NSMF: variants seen among roughly 807,000 people sequenced by gnomAD.
NSMF encodes nasal embryonic LHRH factor.
NSMF carries 31 observed loss-of-function variants against 71.0 expected under a neutral mutation model. The observed-to-expected ratio is 0.44, with a 90% CI of 0.33 to 0.59. NSMF has a LOEUF of 0.59. NSMF is among the 20% of genes least tolerant of loss of function. NSMF has a pLI of 0.04. For missense variants in NSMF, 673 were observed against 740.5 expected, an observed-to-expected ratio of 0.91 and a Z score of 1.06; for synonymous variants, 345 against 287.1, an observed-to-expected ratio of 1.20 and a Z score of -2.04.
intron 7 of NSMF, 77 bp downstream of exon 7, chr9:137,454,313 AT>A (rs1484306003): frequency 2.1e-6 from 3 of 1,395,818 alleles, no homozygotes; most frequent in Non-Finnish European, 3.0e-6. Context: ...GGTCGTTCTT[AT>A]CGCAGCTAGC....
rs1830679962 is a variant in NSMF at position 137,453,854 on chromosome 9, T to A, written c.833-34A>T. ...AGCAAAACCCGCATTAGCGAGCGGG[T>A]GGGGCGGGGCCTCGGGAGTCTCAGA... On this transcript the variant is annotated intron_variant, in intron 7 of 15. Coordinates refer to ENST00000371475, the MANE Select transcript of NSMF (RefSeq NM_001130969.3). This position sits in a 1 kb window ranked among gnomAD's most constrained non-coding sequence, Gnocchi z 4.5. 6.5e-7 allele frequency: 1 copy of A among 1,542,084 alleles called. No individual in the cohort carries two copies. The highest frequency in any genetic ancestry group is 1.4e-5 in the African/African-American group (1 of 72,882).
chr9:137,448,929 AG>A lies in NSMF; in HGVS notation c.*464del, dbSNP rs1288499419. On this transcript the variant is annotated 3_prime_UTR_variant, in exon 16 of 16. Transcript: ENST00000371475. The surrounding 1 kb of genome is among the most constrained non-coding windows in gnomAD (Gnocchi z 5.3). ...GGTGCTGGTGATCGATACGGCAGGG[AG>A]GGGGTGGGCAGGGAGGGTCCTGAAC... The A allele has an allele frequency of 3.0e-5, 6 of 198,978 alleles. No homozygotes were observed. The highest frequency in any genetic ancestry group is 4.6e-5 in the South Asian group (1 of 21,592). The allele number at this position is 198,978 out of a possible 1,614,324, so 12.3% of individuals were successfully genotyped here.
chr9:137,452,535 G>A lies in NSMF; in HGVS notation c.1165+18C>T, dbSNP rs766531108. On this transcript the variant is annotated intron_variant, in intron 11 of 15. Coordinates refer to ENST00000371475, the MANE Select transcript of NSMF (RefSeq NM_001130969.3). ...CCAGGCCTGGAACCAGCAGAGAGAA[G>A]GCCAATGAGGCACATACCAAGGATG... 4 of 1,612,510 alleles carry A rather than the reference G, an allele frequency of 2.5e-6. No individual in the cohort carries two copies. The African/African-American group carries it at 4.0e-5, about 16-fold the overall frequency.
intron 2 of NSMF, 109 bp from the exon 3 acceptor site, chr9:137,458,010 G>A: frequency 1.4e-6 from 2 of 1,471,954 alleles, no homozygotes; most frequent in Admixed American, 2.0e-5. Flanking sequence ...CCTCTGTGGG[G>A]GACTAGGGCT....
Position 137,448,630 on chromosome 9 carries a change from G to A in NSMF, c.*764C>T, listed in dbSNP as rs1839722533. ...AACAGCAGCAATGAGAGTGCTGGGT[G>A]GGCTTGGGGGGATGGGGAGCAGGCC... On this transcript the variant is annotated 3_prime_UTR_variant, in exon 16 of 16. Transcript: ENST00000371475. The surrounding 1 kb of genome is among the most constrained non-coding windows in gnomAD (Gnocchi z 5.3). 1.3e-5 allele frequency: 2 copies of A among 153,794 alleles called. No individual in the cohort carries two copies. Among genetic ancestry groups the A allele is most frequent in the African/African-American group, 4.8e-5 (2 of 41,464 alleles). The allele number at this position is 153,794 out of a possible 1,614,324, so 9.5% of individuals were successfully genotyped here.
chr9:137,457,117 G>T (rs956133786), intron 3 of NSMF, among the ~76,000 whole-genome samples: 1 of 152,094 alleles, frequency 6.6e-6, no homozygotes, highest in Non-Finnish European at 1.5e-5. Flanking sequence ...TATCCCTTAA[G>T]ATCCTCCCAG....
In NSMF at chr9:137,453,383, C is replaced by T. The variant is rs1830645474; in HGVS notation, c.923-203G>A. ...GCGGCCTGATGTGGGAAGGGAGACC[C>T]TGGTGCGAGGCCGGTGGAAGGCGCG... On this transcript the variant is annotated intron_variant, in intron 8 of 15. Transcript: ENST00000371475. The surrounding 1 kb of genome is among the most constrained non-coding windows in gnomAD (Gnocchi z 4.5). 2.8e-6 allele frequency: 2 copies of T among 703,292 alleles called. No individual in the cohort carries two copies. The highest frequency in any genetic ancestry group is 3.7e-5 in the South Asian group (2 of 54,244). The allele number at this position is 703,292 out of a possible 1,614,324, so 43.6% of individuals were successfully genotyped here.
Position 137,453,713 on chromosome 9 carries a change from C to G in NSMF, c.922+18G>C. On this transcript the variant is annotated intron_variant, in intron 8 of 15. Transcript: ENST00000371475. This position sits in a 1 kb window ranked among gnomAD's most constrained non-coding sequence, Gnocchi z 4.5. ...GGAGGCTCTGGGGAAGGTGGGCGGG[C>G]CTGTGCGGGGCACCTACTGTCTCGG... 1 of 1,586,364 alleles carries G rather than the reference C, an allele frequency of 6.3e-7. No homozygotes were observed. The highest frequency in any genetic ancestry group is 8.6e-7 in the Non-Finnish European group (1 of 1,168,572).
Position 137,452,783 on chromosome 9 carries a change from G to A in NSMF, c.1084C>T (p.Pro362Ser). ...SSKVPKAEYI[P>S]TIIRRDDPSI... ...GGGTCATCCCGGCGGATGATAGTGG[G>A]GATGTACTCAGCCTTGGGCACCTTG... The change falls in exon 10 of 16, where the codon CCC becomes TCC. Residue 362 changes from proline to serine, a missense_variant. By Grantham distance (74) the Pro-to-Ser change is moderately conservative. Around this residue, in one of 2 missense-constraint regions of NSMF, gnomAD observed 202 missense variants for 280.8 expected, o/e 0.72. Coordinates refer to ENST00000371475, the MANE Select transcript of NSMF (RefSeq NM_001130969.3). 6 of 1,607,048 alleles carry A rather than the reference G, an allele frequency of 3.7e-6. No homozygotes were observed. Among genetic ancestry groups the A allele is most frequent in the Non-Finnish European group, 5.1e-6 (6 of 1,177,900 alleles).
rs547419612 is a variant in NSMF, at chr9:137,453,021, G to A, written c.1047+35C>T. ...TCGGGTTGGGGCGGAGTCCTGCTCG[G>A]GGTGTAGAGGAGCACTGCCCGGGCT... On this transcript the variant is annotated intron_variant, in intron 9 of 15. Transcript: ENST00000371475. The surrounding 1 kb of genome is among the most constrained non-coding windows in gnomAD (Gnocchi z 4.5). 78 of 1,610,866 alleles carry A rather than the reference G, an allele frequency of 4.8e-5. 1 individual carries two copies. The South Asian group carries it at 7.9e-4, about 16-fold the overall frequency.
chr9:137,449,570 A>G lies in NSMF; in HGVS notation c.1495+29T>C, dbSNP rs376379849. The G allele has an allele frequency of 2.5e-6, 4 of 1,611,166 alleles. No homozygotes were observed. The African/African-American group carries it at 5.3e-5, about 22-fold the overall frequency. On this transcript the variant is annotated intron_variant, in intron 15 of 15. Transcript: ENST00000371475. Reference sequence around the variant, plus strand: ...CCCACCGTGGCCCCGCAGTGGCTGCAGAGCTTCGGCCCAGCCTGGGTAACT... The same window carrying G: ...CCCACCGTGGCCCCGCAGTGGCTGCGGAGCTTCGGCCCAGCCTGGGTAACT...
Position 137,453,755 on chromosome 9 carries a change from C to T in NSMF, c.898G>A (p.Asp300Asn). The change falls in exon 8 of 16, where the codon GAC (aspartate) becomes AAC (asparagine). Residue 300 changes from aspartate (D) to asparagine (N), a missense_variant. Asp to Asn is a conservative substitution (Grantham distance 23, BLOSUM62 1). Transcript: ENST00000371475. The surrounding 1 kb of genome is among the most constrained non-coding windows in gnomAD (Gnocchi z 4.5). Reference protein sequence around the residue: ...SWSDPTPMKADTSHDSRDSSD... With the variant: ...SWSDPTPMKANTSHDSRDSSD... ...CTGTCTCGGGAGTCGTGGGAAGTGT[C>T]GGCTTTCATGGGGGTGGGGTCGCTC... is the stretch of plus-strand genomic sequence containing the variant. 1.9e-6 allele frequency: 3 copies of T among 1,602,126 alleles called. No homozygotes were observed. Among genetic ancestry groups the T allele is most frequent in the Non-Finnish European group, 2.5e-6 (3 of 1,178,452 alleles).
chr9:137,452,478 C>T, intron 11 of NSMF, 43 bp from the exon 12 acceptor site: 4 of 1,611,946 alleles, frequency 2.5e-6, no homozygotes, highest in Non-Finnish European at 3.4e-6. Flanking sequence ...CCACCCCAGC[C>T]CCAGGGGCAC....
rs2131985326 is a variant in NSMF at position 137,453,696 on chromosome 9, T to C, written c.922+35A>G. The C allele has an allele frequency of 6.5e-7, 1 of 1,542,510 alleles. No homozygotes were observed. The highest frequency in any genetic ancestry group is 8.8e-7 in the Non-Finnish European group (1 of 1,136,786). ...GGGGTCTGGGGTCTAGGGGAGGCTC[T>C]GGGGAAGGTGGGCGGGCCTGTGCGG... On this transcript the variant is annotated intron_variant, in intron 8 of 15. Transcript: ENST00000371475. The surrounding 1 kb of genome is among the most constrained non-coding windows in gnomAD (Gnocchi z 4.5).
At chr9:137,458,857 G>T (rs546050646) in intron 1 of NSMF, among the ~76,000 whole-genome samples, 175 bp downstream of exon 1, 1 of 152,162 alleles carries the variant, frequency 6.6e-6, no homozygotes, top group Non-Finnish European at 1.5e-5. Context: ...GCGAGGGGAG[G>T]GGAGGGAAGA....
chr9:137,454,639 C>T, intron 6 of NSMF, 196 bp from the exon 7 acceptor site: 2 of 1,535,188 alleles, frequency 1.3e-6, no homozygotes, highest in Non-Finnish European at 1.7e-6. Context: ...CCTTCCAGGG[C>T]TCCCCTTCAA....
chr9:137,452,322 C>A, intron 12 of NSMF, 43 bp downstream of exon 12: 1 of 1,599,258 alleles, frequency 6.3e-7, no homozygotes, highest in Non-Finnish European at 8.6e-7. Flanking sequence ...CCCTGCCCCA[C>A]CACGATTCTT....
rs1839778215 is a variant in NSMF at position 137,449,325 on chromosome 9, G to A, written c.*69C>T. ...AGCCACACAGTCCCGGGGAGCACGAGGCGGCCCAGCCCCAGGTCCCGGTGC... is the reference window on the plus strand; with the variant it reads ...AGCCACACAGTCCCGGGGAGCACGAAGCGGCCCAGCCCCAGGTCCCGGTGC... On this transcript the variant is annotated 3_prime_UTR_variant, in exon 16 of 16. Transcript: ENST00000371475. The A allele has an allele frequency of 7.4e-7, 1 of 1,347,902 alleles. No individual in the cohort carries two copies. 83.5% of individuals were successfully genotyped at this position (1,347,902 alleles called of 1,614,324 possible).
intron 9 of NSMF, 108 bp downstream of exon 9, chr9:137,452,948 C>T (rs1256338056): frequency 2.5e-6 from 4 of 1,580,448 alleles, no homozygotes; most frequent in Non-Finnish European, 2.6e-6. Flanking sequence ...ACACCCTCCC[C>T]CAGGCAGCTG....
Sources: allele counts gnomAD v4.1 joint callset (sites outside exome capture counted in the v4.1 genomes callset), GRCh38; gene constraint gnomAD v4.1.1; regional missense constraint gnomAD v4.1.1; non-coding constraint Gnocchi (gnomAD v3.1); transcripts MANE v1.5; gene names NCBI Gene and HGNC (gene_info 2026-07-23, HGNC 2026-07-21).